The following MMP3 variants were observed in gnomAD, a reference collection of about 807,000 sequenced individuals.
MMP3 encodes matrix metallopeptidase 3.
Under a neutral mutation model 47.3 loss-of-function variants are expected in MMP3, and 46 were observed. The ratio of observed to expected loss-of-function variants is 0.97; its 90% confidence interval spans 0.77 to 1.24. MMP3 has a LOEUF of 1.24. Ranked by LOEUF, MMP3 falls within the 50% of genes most tolerant of loss-of-function variation. The pLI, the probability that MMP3 is intolerant of heterozygous loss-of-function variation, is 0.00. For synonymous variants in MMP3, 216 were observed against 206.5 expected, an observed-to-expected ratio of 1.05 and a Z score of -0.39; for missense variants, 558 against 565.5, an observed-to-expected ratio of 0.99 and a Z score of 0.13.
Position 102,843,433 on chromosome 11 carries a change from G to T in MMP3, c.105+9C>A, listed in dbSNP as rs1555005926. On this transcript the variant is annotated intron_variant, in intron 1 of 9. Coordinates refer to ENST00000299855, the MANE Select transcript of MMP3 (RefSeq NM_002422.5). The stretch of plus-strand genomic sequence containing the variant: ...TCCCCACCTGGCCAGGTCAGTTAGT[G>T]TTAATTACCTGAACAAGGTTCATGC... 8.1e-6 allele frequency: 13 copies of T among 1,607,218 alleles called. No individual in the cohort carries two copies. The highest frequency in any genetic ancestry group is 1.1e-5 in the Non-Finnish European group (13 of 1,174,496).
chr11:102,841,806 A>T (rs1859002939), intron 4 of MMP3, among the ~76,000 whole-genome samples: 1 of 152,144 alleles, frequency 6.6e-6, no homozygotes, highest in Non-Finnish European at 1.5e-5. Context: ...TACATAAGTA[A>T]CATCCAGAGC....
At position 102,840,427 on chromosome 11, in the gene MMP3, A is replaced by G. The variant is rs1555005266; in HGVS notation, c.790+2T>C. 5 of 1,611,434 alleles carry G rather than the reference A, an allele frequency of 3.1e-6. No homozygotes were observed. Among genetic ancestry groups the G allele is most frequent in the Non-Finnish European group, 4.2e-6 (5 of 1,179,314 alleles). On this transcript the variant is annotated splice_donor_variant, in intron 5 of 9. Transcript: ENST00000299855. LOFTEE classifies it high-confidence loss of function. Reference sequence around the variant, plus strand: ...ATGGCTGATTTTCCCAGTGTCACTCACCATAGAGGGACTGAATGCCATTTA... The same window carrying G: ...ATGGCTGATTTTCCCAGTGTCACTCGCCATAGAGGGACTGAATGCCATTTA...
chr11:102,836,187 A>G lies in MMP3; in HGVS notation c.1373T>C (p.Phe458Ser), dbSNP rs1169574624. ...TGTCACTTTCTTTGCATTTGGGTCA[A>G]ACTCCAACTGTGAAGATCCAGTAAA... ...YFFTGSSQLE[F>S]DPNAKKVTHT... The change falls in exon 10 of 10, where the codon TTT (phenylalanine) becomes TCT (serine). Residue 458 changes from phenylalanine (F) to serine (S), a missense_variant. By Grantham distance (155) the Phe-to-Ser change is radical. Coordinates refer to ENST00000299855, the MANE Select transcript of MMP3 (RefSeq NM_002422.5). This position sits in a 1 kb window ranked among gnomAD's most constrained non-coding sequence, Gnocchi z 4.6. 1.2e-6 allele frequency: 2 copies of G among 1,614,032 alleles called. No individual in the cohort carries two copies. The highest frequency in any genetic ancestry group is 1.7e-6 in the Non-Finnish European group (2 of 1,179,900).
chr11:102,842,669 T>C lies in MMP3; in HGVS notation c.350+3A>G. The stretch of plus-strand genomic sequence containing the variant: ...TTATGTGAAAACCCCTCTGAACCAT[T>C]ACCTGTATGTAAGGTGGGTTTTCCT... On this transcript the variant is annotated splice_donor_region_variant and intron_variant, in intron 2 of 9. Transcript: ENST00000299855. 1 of 1,613,972 alleles carries C rather than the reference T, an allele frequency of 6.2e-7. No homozygotes were observed. The highest frequency in any genetic ancestry group is 8.5e-7 in the Non-Finnish European group (1 of 1,179,916).
chr11:102,836,301 T>C lies in MMP3; in HGVS notation c.1334-75A>G. 3 of 1,143,282 alleles carry C rather than the reference T, an allele frequency of 2.6e-6. No homozygotes were observed. The highest frequency in any genetic ancestry group is 2.6e-6 in the Non-Finnish European group (2 of 764,550). 70.8% of individuals were successfully genotyped at this position (1,143,282 alleles called of 1,614,324 possible). On this transcript the variant is annotated intron_variant, in intron 9 of 9. Transcript: ENST00000299855. This position sits in a 1 kb window ranked among gnomAD's most constrained non-coding sequence, Gnocchi z 4.6. Reference sequence around the variant, plus strand: ...ATTTGACAATATACAAAACTCAGAATCATAGAGAACTAAAAATAGAAAGTG... The same window carrying C: ...ATTTGACAATATACAAAACTCAGAACCATAGAGAACTAAAAATAGAAAGTG...
At chr11:102,839,060 A>G in intron 7 of MMP3, 50 bp downstream of exon 7, 1 of 1,584,842 alleles carries the variant, frequency 6.3e-7, no homozygotes, top group African/African-American at 1.4e-5. Flanking sequence ...TCAATTTCTT[A>G]TGAGAGGGTT....
chr11:102,840,491 A>G lies in MMP3; in HGVS notation c.728T>C (p.Leu243Pro). 6.2e-7 allele frequency: 1 copy of G among 1,614,076 alleles called. No homozygotes were observed. The highest frequency in any genetic ancestry group is 8.5e-7 in the Non-Finnish European group (1 of 1,179,982). Residue 243 changes from leucine to proline, a missense_variant, in exon 5 of 10, where the codon CTC (leucine) becomes CCC (proline). Transcript: ENST00000299855. ...EALMYPLYHS[L>P]TDLTRFRLSQ... ...CAGGCGGAACCGAGTCAGGTCTGTG[A>G]GTGAGTGATAGAGTGGGTACATCAA...
chr11:102,836,353 G>C lies in MMP3; in HGVS notation c.1334-127C>G. On this transcript the variant is annotated intron_variant, in intron 9 of 9. Transcript: ENST00000299855. This position sits in a 1 kb window ranked among gnomAD's most constrained non-coding sequence, Gnocchi z 4.6. ...TTATAGAGCTTTACTTTATGTCAGG[G>C]ACTATGCCAAGCTTGTTACATGAAT... 2 of 742,994 alleles carry C rather than the reference G, an allele frequency of 2.7e-6. No homozygotes were observed. The highest frequency in any genetic ancestry group is 4.8e-6 in the Non-Finnish European group (2 of 419,112). 46.0% of individuals were successfully genotyped at this position (742,994 alleles called of 1,614,324 possible). A position where few individuals can be genotyped will look rare whatever the true frequency, so the allele number is the denominator to read the frequency against.
At chr11:102,839,531 T>G (rs1297241883) in intron 6 of MMP3, among the ~76,000 whole-genome samples, 1 of 152,252 alleles carries the variant, frequency 6.6e-6, no homozygotes, top group African/African-American at 2.4e-5. Flanking sequence ...CTGCAATGTA[T>G]GCAAAACAGT....
rs563096 is a variant in MMP3 at position 102,836,635 on chromosome 11, A to T, written c.1334-409T>A. 0.12 allele frequency: 54,783 copies of T among 460,442 alleles called. 4,189 individuals are homozygous for T. Among genetic ancestry groups the T allele is most frequent in the Middle Eastern group, 0.14 (413 of 2,996 alleles). 28.5% of individuals were successfully genotyped at this position (460,442 alleles called of 1,614,324 possible). ...TCACCTATTTCTTTCTTCCCCAAAA[A>T]TCCTCCTCCCTTTTCCCTGCATTGC... is the stretch of plus-strand genomic sequence containing the variant. On this transcript the variant is annotated intron_variant, in intron 9 of 9. Coordinates refer to ENST00000299855, the MANE Select transcript of MMP3 (RefSeq NM_002422.5). This position sits in a 1 kb window ranked among gnomAD's most constrained non-coding sequence, Gnocchi z 4.6.
rs781941674 is a variant in MMP3 at position 102,842,520 on chromosome 11, G to A, written c.410C>T (p.Ala137Val). 9 of 1,596,188 alleles carry A rather than the reference G, an allele frequency of 5.6e-6. No homozygotes were observed. The East Asian group carries it at 1.4e-4, about 24-fold the overall frequency. Residue 137 changes from alanine to valine, a missense_variant, in exon 3 of 10, where the codon GCT (alanine) becomes GTT (valine). Ala to Val is a moderately conservative substitution (Grantham distance 64). Coordinates refer to ENST00000299855, the MANE Select transcript of MMP3 (RefSeq NM_002422.5). ...AGTCACCTCTTCCCAGACTTTCAGA[G>A]CTTTCTCAACAGCAGAATCAACAGC... ...KDAVDSAVEK[A>V]LKVWEEVTPL...
rs782458407 is a variant in MMP3, at chr11:102,842,701, C to A, written c.321G>T (p.Pro107=). 1.2e-6 allele frequency: 2 copies of A among 1,613,962 alleles called. No individual in the cohort carries two copies. Among genetic ancestry groups the A allele is most frequent in the Non-Finnish European group, 1.7e-6 (2 of 1,179,962 alleles). Residue 107 remains proline, a synonymous_variant, in exon 2 of 10, where the codon CCG becomes CCT. Coordinates refer to ENST00000299855, the MANE Select transcript of MMP3 (RefSeq NM_002422.5). The part of the protein sequence containing the change: ...VGHFRTFPGI[P]KWRKTHLTYR... ...ATGTAAGGTGGGTTTTCCTCCACTT[C>A]GGGATGCCAGGAAAGGTTCTGAAGT... is the stretch of plus-strand genomic sequence containing the variant.
intron 1 of MMP3, among the ~76,000 whole-genome samples, chr11:102,843,209 G>A (rs1272025061): frequency 6.6e-6 from 1 of 152,012 alleles, no homozygotes; most frequent in Non-Finnish European, 1.5e-5. Context: ...GGTGTTGTGT[G>A]ATCTTAAGAA....
Position 102,842,157 on chromosome 11 carries a change from T to C in MMP3, c.622A>G (p.Thr208Ala), listed in dbSNP as rs1041642559. 6.2e-7 allele frequency: 1 copy of C among 1,600,582 alleles called. No individual in the cohort carries two copies. Residue 208 changes from threonine (T) to alanine (A), a missense_variant, in exon 4 of 10, where the codon ACA becomes GCA. Physicochemically the swap from Thr to Ala is moderately conservative, Grantham distance 58 (BLOSUM62 0). Coordinates refer to ENST00000299855, the MANE Select transcript of MMP3 (RefSeq NM_002422.5). ...TTCTGAGAGATGTGTAACTAACCTG[T>C]TGTATCCTTTGTCCATTGTTCATCA... ...DDDEQWTKDT[T>A]GTNLFLVAAH...
rs1365708772 is a variant in MMP3, at chr11:102,836,560, G to A, written c.1334-334C>T. The stretch of plus-strand genomic sequence containing the variant: ...ACACAGCCAGATTCCAGGTTACAGG[G>A]TTATTCTGCTTCCGATCAGATAAAT... On this transcript the variant is annotated intron_variant, in intron 9 of 9. Transcript: ENST00000299855. This position sits in a 1 kb window ranked among gnomAD's most constrained non-coding sequence, Gnocchi z 4.6. 1 of 494,070 alleles carries A rather than the reference G, an allele frequency of 2.0e-6. No homozygotes were observed. Among genetic ancestry groups the A allele is most frequent in the Non-Finnish European group, 4.1e-6 (1 of 242,388 alleles). 30.6% of individuals were successfully genotyped at this position (494,070 alleles called of 1,614,324 possible). A position where few individuals can be genotyped will look rare whatever the true frequency, so the allele number is the denominator to read the frequency against.
intron 5 of MMP3, 32 bp downstream of exon 5, chr11:102,840,397 C>T: frequency 6.2e-7 from 1 of 1,607,420 alleles, no homozygotes; most frequent in Non-Finnish European, 8.5e-7. Context: ...CATTGCAAAA[C>T]TACAATGGCT....
rs782643785 is a variant in MMP3, at chr11:102,839,232, C to T, written c.947G>A (p.Arg316His). 3.3e-5 allele frequency: 53 copies of T among 1,613,380 alleles called. No homozygotes were observed. Among genetic ancestry groups the T allele is most frequent in the Middle Eastern group, 1.6e-4 (1 of 6,082 alleles). The change falls in exon 7 of 10, where the codon CGC becomes CAC. Residue 316 changes from arginine to histidine, a missense_variant. Coordinates refer to ENST00000299855, the MANE Select transcript of MMP3 (RefSeq NM_002422.5). ...AGGTTCAAGCTTCCTGAGGGATTTGCGCCAAAAGTGCCTAAAATATATGTA... is the reference window on the plus strand; with the variant it reads ...AGGTTCAAGCTTCCTGAGGGATTTGTGCCAAAAGTGCCTAAAATATATGTA... ...ILIFKDRHFW[R>H]KSLRKLEPEL...
Position 102,842,141 on chromosome 11 carries a change from A to T in MMP3, c.625+13T>A, listed in dbSNP as rs371903397. On this transcript the variant is annotated intron_variant, in intron 4 of 9. Coordinates refer to ENST00000299855, the MANE Select transcript of MMP3 (RefSeq NM_002422.5). Reference sequence around the variant, plus strand: ...ATTAATGCCAAAATCATTCTGAGAGATGTGTAACTAACCTGTTGTATCCTT... The same window carrying T: ...ATTAATGCCAAAATCATTCTGAGAGTTGTGTAACTAACCTGTTGTATCCTT... The T allele has an allele frequency of 3.2e-6, 5 of 1,544,728 alleles. No individual in the cohort carries two copies. In the African/African-American group the frequency reaches 5.5e-5, roughly 17 times the overall value.
rs782396726 is a variant in MMP3 at position 102,842,188 on chromosome 11, A to G, written c.591T>C (p.Phe197=). The part of the protein sequence containing the change: ...PGPGINGDAH[F]DDDEQWTKDT... ...CCTTTGTCCATTGTTCATCATCATC[A>G]AAGTGGGCATCTCCATTAATCCCTG... is the stretch of plus-strand genomic sequence containing the variant. The change falls in exon 4 of 10, where the codon TTT becomes TTC. Residue 197 remains phenylalanine (F), a synonymous_variant. Coordinates refer to ENST00000299855, the MANE Select transcript of MMP3 (RefSeq NM_002422.5). 1.8e-5 allele frequency: 29 copies of G among 1,611,474 alleles called. No homozygotes were observed. Among genetic ancestry groups the G allele is most frequent in the Middle Eastern group, 1.6e-4 (1 of 6,076 alleles).
Sources: gnomAD v4.1 joint callset for allele counts (sites outside exome capture counted in the v4.1 genomes callset) on GRCh38, gnomAD v4.1.1 for gene constraint, Gnocchi (gnomAD v3.1) non-coding constraint, MANE v1.5 for transcripts, NCBI Gene and HGNC (gene_info 2026-07-23, HGNC 2026-07-21) for gene names.